Variants in GRM8 observed in about 807,000 individuals in gnomAD.
GRM8 encodes glutamate metabotropic receptor 8, also known as metabotropic glutamate receptor 8.
Under a neutral mutation model 87.2 loss-of-function variants are expected in GRM8, and 47 were observed. The ratio of observed to expected loss-of-function variants is 0.54; its 90% CI spans 0.43 to 0.69. The LOEUF (loss-of-function observed/expected upper bound fraction) is 0.69. Ranked by LOEUF, GRM8 falls within the 30% of genes least tolerant of loss-of-function variation. GRM8 has a pLI of 0.00. For missense variants in GRM8, 1,019 were observed against 1,139.2 expected, an observed-to-expected ratio of 0.89 and a Z score of 1.52; for synonymous variants, 396 against 404.5, an observed-to-expected ratio of 0.98 and a Z score of 0.25.
intron 3 of GRM8, among the ~76,000 whole-genome samples, chr7:127,021,819 T>C (rs931310431): frequency 2.6e-5 from 4 of 152,106 alleles, no homozygotes; most frequent in Non-Finnish European, 5.9e-5. Flanking sequence ...AGGTGGTAAA[T>C]ACAAGATTAG....
intron 3 of GRM8, among the ~76,000 whole-genome samples, chr7:127,046,966 T>G (rs1359096917): frequency 2.0e-5 from 3 of 152,326 alleles, no homozygotes; most frequent in South Asian, 2.1e-4. Flanking sequence ...GCCCCTTGCA[T>G]TCCTAGTTTG....
chr7:126,987,454 T>G (rs537672950), intron 3 of GRM8, among the ~76,000 whole-genome samples: 1 of 151,750 alleles, frequency 6.6e-6, no homozygotes, highest in South Asian at 2.1e-4. Flanking sequence ...AGTTTTTTTT[T>G]TTGTTTTTTG....
chr7:127,142,923 T>A (rs1405004383), intron 2 of GRM8, among the ~76,000 whole-genome samples: 2 of 152,126 alleles, frequency 1.3e-5, no homozygotes, highest in Non-Finnish European at 2.9e-5. Flanking sequence ...TTAAAAAAAA[T>A]AAATAACCAT....
chr7:127,116,373 A>C (rs760662103), intron 2 of GRM8, among the ~76,000 whole-genome samples: 17 of 149,440 alleles, frequency 1.1e-4, no homozygotes, highest in Non-Finnish European at 2.4e-4. Context: ...TTTTTTATTA[A>C]TTCATTCAAC....
intron 9 of GRM8, among the ~76,000 whole-genome samples, chr7:126,463,727 T>C (rs1804164497): frequency 6.6e-6 from 1 of 151,650 alleles, no homozygotes; most frequent in Admixed American, 6.6e-5. Flanking sequence ...GTCAAGTTAA[T>C]AGCCTAAAAT....
chr7:126,994,138 A>C (rs1371367657), intron 3 of GRM8, among the ~76,000 whole-genome samples: 3 of 152,160 alleles, frequency 2.0e-5, no homozygotes, highest in Admixed American at 1.3e-4. Context: ...TGCACCTTGG[A>C]TGCCAGCTAA....
chr7:126,655,588 C>T (rs1192606313), intron 7 of GRM8, among the ~76,000 whole-genome samples: 1 of 152,086 alleles, frequency 6.6e-6, no homozygotes. Flanking sequence ...GGTCATTCAT[C>T]TTAAACCATG....
chr7:126,662,682 A>G (rs1159605626), intron 7 of GRM8, among the ~76,000 whole-genome samples: 1 of 152,228 alleles, frequency 6.6e-6, no homozygotes, highest in Admixed American at 6.5e-5. Context: ...GCTCAAAAAC[A>G]TAATAAGCTA....
At chr7:126,985,522 C>G (rs1811969147) in intron 3 of GRM8, among the ~76,000 whole-genome samples, 1 of 152,102 alleles carries the variant, frequency 6.6e-6, no homozygotes, top group African/African-American at 2.4e-5. Context: ...AACAGAATAC[C>G]TGAAACTGGT....
At chr7:127,231,839 CTG>C (rs1797701423) in intron 2 of GRM8, among the ~76,000 whole-genome samples, 1 of 151,006 alleles carries the variant, frequency 6.6e-6, no homozygotes, top group Non-Finnish European at 1.5e-5. Context: ...CCTGTGGCCT[CTG>C]TAAGCCAGAA....
intron 6 of GRM8, among the ~76,000 whole-genome samples, chr7:126,887,567 A>G (rs1800616115): frequency 6.6e-6 from 1 of 152,040 alleles, no homozygotes; most frequent in South Asian, 2.1e-4. Flanking sequence ...TATCATCATC[A>G]TCACCCTTAT....
At chr7:126,630,906 A>G (rs1300893574) in intron 7 of GRM8, among the ~76,000 whole-genome samples, 8 of 152,136 alleles carry the variant, frequency 5.3e-5, no homozygotes, top group Admixed American at 5.2e-4. Context: ...ATAGACTACA[A>G]ACCCACACAG....
intron 7 of GRM8, among the ~76,000 whole-genome samples, chr7:126,725,078 T>C (rs1248418625): frequency 6.6e-6 from 1 of 152,188 alleles, no homozygotes; most frequent in Non-Finnish European, 1.5e-5. Flanking sequence ...TCTGAAAGCA[T>C]CAAAGTGTAC....
chr7:126,884,701 G>C (rs1211063268), intron 6 of GRM8, among the ~76,000 whole-genome samples: 2 of 152,078 alleles, frequency 1.3e-5, no homozygotes, highest in Non-Finnish European at 2.9e-5. Flanking sequence ...TTTAACAAAG[G>C]ATTATCCAGT....
intron 3 of GRM8, among the ~76,000 whole-genome samples, chr7:126,948,527 G>C (rs896911182): frequency 6.6e-6 from 1 of 151,150 alleles, no homozygotes; most frequent in Non-Finnish European, 1.5e-5. Flanking sequence ...TTTGTCTAGG[G>C]AGATGAAGGA....
chr7:126,582,720 C>A (rs1172709512), intron 8 of GRM8, among the ~76,000 whole-genome samples: 1 of 152,068 alleles, frequency 6.6e-6, no homozygotes, highest in Non-Finnish European at 1.5e-5. Context: ...TTCTGAAAAA[C>A]CTAGGGCCCT....
At chr7:126,834,782 A>G (rs1288124871) in intron 6 of GRM8, among the ~76,000 whole-genome samples, 1 of 152,212 alleles carries the variant, frequency 6.6e-6, no homozygotes, top group Non-Finnish European at 1.5e-5. Flanking sequence ...ATTGTTTATA[A>G]GCTTAAAAAG....
chr7:127,216,374 C>T (rs1286000648), intron 2 of GRM8, among the ~76,000 whole-genome samples: 7 of 151,970 alleles, frequency 4.6e-5, no homozygotes, highest in East Asian at 3.9e-4. Flanking sequence ...AAAAATTAGC[C>T]GGGCATGGTG....
intron 6 of GRM8, among the ~76,000 whole-genome samples, chr7:126,808,947 C>T (rs1436841696): frequency 6.6e-6 from 1 of 152,136 alleles, no homozygotes; most frequent in Non-Finnish European, 1.5e-5. Flanking sequence ...CTTAAAACAA[C>T]ACATATTTAT....
Sources: gnomAD v4.1 joint callset for allele counts (sites outside exome capture counted in the v4.1 genomes callset) on GRCh38, gnomAD v4.1.1 for gene constraint, MANE v1.5 for transcripts, NCBI Gene and HGNC (gene_info 2026-07-23, HGNC 2026-07-21) for gene names.